Variants in NOS1AP observed in about 807,000 individuals in gnomAD.
NOS1AP encodes the protein carboxyl-terminal PDZ ligand of neuronal nitric oxide synthase protein.
NOS1AP carries 21 observed loss-of-function variants against 56.2 expected under a neutral mutation model. The observed-to-expected ratio is 0.37, with a 90% confidence interval of 0.26 to 0.54. NOS1AP has a LOEUF of 0.54. Among genes scored for constraint, NOS1AP ranks in the 20% least tolerant of loss-of-function variants. The probability of loss-of-function intolerance (pLI) is 0.84; values close to 1 mark genes in which losing one functional copy is unlikely to be tolerated. For synonymous variants in NOS1AP, 270 were observed against 274.6 expected, an observed-to-expected ratio of 0.98 and a Z score of 0.17; for missense variants, 522 against 657.8, an observed-to-expected ratio of 0.79 and a Z score of 2.26.
At chr1:162,163,356 G>A (rs1337068) in intron 2 of NOS1AP, among the ~76,000 whole-genome samples, 146,542 of 152,262 alleles carry the variant, frequency 0.96, 70,763 homozygotes, top group East Asian at 1. Context: ...CTTAGGGGGC[G>A]AGGTATTCTC....
At chr1:162,192,088 T>C (rs940819970) in intron 2 of NOS1AP, among the ~76,000 whole-genome samples, 1 of 152,142 alleles carries the variant, frequency 6.6e-6, no homozygotes, top group Non-Finnish European at 1.5e-5. Context: ...CCCAGACCAG[T>C]AGTGTCAGGC....
At chr1:162,364,051 C>A (rs1657984443) in intron 8 of NOS1AP, 28 of 985,412 alleles carry the variant, frequency 2.8e-5, no homozygotes, top group Non-Finnish European at 3.3e-5. Context: ...CCTGGGCCAG[C>A]AAGTCACTTG....
At chr1:162,233,120 T>C (rs1653174980) in intron 2 of NOS1AP, among the ~76,000 whole-genome samples, 1 of 152,226 alleles carries the variant, frequency 6.6e-6, no homozygotes, top group Non-Finnish European at 1.5e-5. Flanking sequence ...TCAGAGTTTC[T>C]GCTTCAGTAG....
At chr1:162,261,461 G>A (rs56212309) in intron 2 of NOS1AP, among the ~76,000 whole-genome samples, 30,409 of 31,514 alleles carry the variant, frequency 0.96, 14,653 homozygotes, top group East Asian at 1. Context: ...GAGAGGCAGC[G>A]GGGAGTCAGA....
At chr1:162,158,766 C>G (rs562542572) in intron 2 of NOS1AP, among the ~76,000 whole-genome samples, 1 of 152,128 alleles carries the variant, frequency 6.6e-6, no homozygotes, top group South Asian at 2.1e-4. Flanking sequence ...CTACAATGAC[C>G]CAGACAAGAA....
chr1:162,134,599 G>A (rs958371602), intron 1 of NOS1AP, among the ~76,000 whole-genome samples: 5 of 151,714 alleles, frequency 3.3e-5, no homozygotes, highest in African/African-American at 1.2e-4. Flanking sequence ...GAAGGATTAA[G>A]GAATCCTGAA....
chr1:162,207,881 T>G (rs183119705), intron 2 of NOS1AP, among the ~76,000 whole-genome samples: 1 of 152,262 alleles, frequency 6.6e-6, no homozygotes, highest in Non-Finnish European at 1.5e-5. Flanking sequence ...TATTAACTTT[T>G]TTAAAAATAA....
At chr1:162,318,548 G>C (rs980273361) in intron 4 of NOS1AP, among the ~76,000 whole-genome samples, 1 of 151,978 alleles carries the variant, frequency 6.6e-6, no homozygotes, top group Non-Finnish European at 1.5e-5. Context: ...CAGATCTCTT[G>C]GTCTTTTTCT....
intron 1 of NOS1AP, among the ~76,000 whole-genome samples, chr1:162,088,958 C>T (rs112822923): frequency 6.6e-5 from 10 of 152,248 alleles, no homozygotes; most frequent in African/African-American, 2.2e-4. Flanking sequence ...CTCTCCCTCT[C>T]GCCATTCTCC....
At chr1:162,255,651 C>T (rs919636383) in intron 2 of NOS1AP, among the ~76,000 whole-genome samples, 1 of 151,836 alleles carries the variant, frequency 6.6e-6, no homozygotes. Flanking sequence ...GAGCTGTAAT[C>T]GATGGCCATG....
chr1:162,143,890 T>G (rs1207123014), intron 1 of NOS1AP, among the ~76,000 whole-genome samples: 1 of 152,226 alleles, frequency 6.6e-6, no homozygotes, highest in Non-Finnish European at 1.5e-5. Context: ...ATGTTGGTGC[T>G]GCGCAAAGCT....
intron 1 of NOS1AP, among the ~76,000 whole-genome samples, chr1:162,142,856 C>T (rs765965699): frequency 5.3e-5 from 8 of 151,952 alleles, no homozygotes; most frequent in Admixed American, 3.3e-4. Flanking sequence ...GTTAGGACAG[C>T]GTGGAATATA....
chr1:162,079,827 A>G (rs1436782675), intron 1 of NOS1AP, among the ~76,000 whole-genome samples: 1 of 152,184 alleles, frequency 6.6e-6, no homozygotes, highest in South Asian at 2.1e-4. Context: ...TATCTTCATT[A>G]TACATGCCTG....
chr1:162,331,998 G>A (rs544447289), intron 4 of NOS1AP, among the ~76,000 whole-genome samples: 6 of 152,298 alleles, frequency 3.9e-5, no homozygotes, highest in South Asian at 2.1e-4. Context: ...CTTAAAAGCC[G>A]ATGGCTTCTC....
intron 2 of NOS1AP, among the ~76,000 whole-genome samples, chr1:162,172,963 C>T (rs1418710795): frequency 6.6e-6 from 1 of 151,304 alleles, no homozygotes; most frequent in African/African-American, 2.4e-5. Flanking sequence ...AGTCTGTCAC[C>T]CAGGCTGGAG....
chr1:162,262,146 G>A (rs893824262), intron 2 of NOS1AP, among the ~76,000 whole-genome samples: 1 of 152,134 alleles, frequency 6.6e-6, no homozygotes, highest in Non-Finnish European at 1.5e-5. Context: ...GGTCCATGAT[G>A]GGAGTCTGAC....
intron 2 of NOS1AP, among the ~76,000 whole-genome samples, chr1:162,171,252 G>T (rs774527930): frequency 6.6e-6 from 1 of 152,184 alleles, no homozygotes; most frequent in Non-Finnish European, 1.5e-5. Context: ...GGCATGAAAA[G>T]GTTGTGGCTT....
intron 1 of NOS1AP, among the ~76,000 whole-genome samples, chr1:162,136,380 C>G (rs921897046): frequency 3.3e-5 from 5 of 152,154 alleles, no homozygotes; most frequent in Admixed American, 1.3e-4. Flanking sequence ...CTAACCTCTT[C>G]TAATTCTTTG....
intron 3 of NOS1AP, among the ~76,000 whole-genome samples, chr1:162,296,243 C>T (rs762568313): frequency 5.9e-5 from 9 of 152,052 alleles, no homozygotes; most frequent in African/African-American, 1.7e-4. Context: ...GCCGAGATCG[C>T]GCCACTGCAC....
Sources: gnomAD v4.1 joint callset for allele counts (sites outside exome capture counted in the v4.1 genomes callset) on GRCh38, gnomAD v4.1.1 for gene constraint, MANE v1.5 for transcripts, NCBI Gene and HGNC (gene_info 2026-07-23, HGNC 2026-07-21) for gene names.